Variants in MTCH2 observed in about 807,000 individuals in gnomAD.
MTCH2 encodes the protein mitochondrial carrier 2, also known as mitochondrial carrier homolog 2.
MTCH2 carries 25 observed loss-of-function variants against 50.6 expected under a neutral mutation model. The ratio of observed to expected loss-of-function variants is 0.49; its 90% confidence interval spans 0.36 to 0.69. The LOEUF (loss-of-function observed/expected upper bound fraction) is 0.69. Among genes scored for constraint, MTCH2 ranks in the 30% least tolerant of loss-of-function variants. The probability of loss-of-function intolerance (pLI) is 0.00; values close to 1 mark genes in which losing one functional copy is unlikely to be tolerated. For missense variants in MTCH2, 273 were observed against 384.4 expected (o/e 0.71, Z 2.42); for synonymous variants, 106 against 132.0 (o/e 0.80, Z 1.35).
downstream of MTCH2, among the ~76,000 whole-genome samples, chr11:47,613,013 G>A (rs2097286429): frequency 6.6e-6 from 1 of 151,860 alleles, no homozygotes; most frequent in African/African-American, 2.4e-5. Context: ...AGGTTTCTCT[G>A]GCCCCAGCCT....
Position 47,638,738 on chromosome 11 carries a change from C to T in MTCH2, c.240G>A (p.Ser80=), listed in dbSNP as rs192127710. ...LFTGLTPRLC[S]GVLGTVVHGK... ...CATGGACCACAGTTCCAAGGACTCC[C>T]GAACACAGTCTTGGAGTTAAGCCTG... Residue 80 remains serine (S), a synonymous_variant, in exon 3 of 13, where the codon TCG becomes TCA. Transcript: ENST00000302503. The T allele has an allele frequency of 6.8e-5, 109 of 1,609,804 alleles. No homozygotes were observed. The East Asian group carries it at 7.4e-4, about 11-fold the overall frequency.
intron 12 of MTCH2, 95 bp from the exon 13 acceptor site, chr11:47,619,014 T>G (rs780365837): frequency 3.7e-6 from 4 of 1,075,720 alleles, no homozygotes; most frequent in Non-Finnish European, 5.7e-6. Flanking sequence ...GAGACGTGAC[T>G]AAATCTAGGA....
chr11:47,622,693 AG>A lies in MTCH2; in HGVS notation c.825+7del. 1 of 1,361,274 alleles carries A rather than the reference AG, an allele frequency of 7.3e-7. No homozygotes were observed. Among genetic ancestry groups the A allele is most frequent in the Non-Finnish European group, 9.5e-7 (1 of 1,049,134 alleles). 84.3% of individuals were successfully genotyped at this position (1,361,274 alleles called of 1,614,324 possible). A position where few individuals can be genotyped will look rare whatever the true frequency, so the allele number is the denominator to read the frequency against. On this transcript the variant is annotated splice_region_variant and intron_variant, in intron 12 of 12. Coordinates refer to ENST00000302503, the MANE Select transcript of MTCH2 (RefSeq NM_014342.4). ...AATAAAATGAGAGAGACAGAGAAAA[AG>A]AAATACCTCTTTTTGTAGCATGCAC...
downstream of MTCH2, among the ~76,000 whole-genome samples, chr11:47,614,370 T>A (rs1393621560): frequency 6.6e-6 from 1 of 152,212 alleles, no homozygotes; most frequent in East Asian, 1.9e-4. Context: ...GGCTTGGCAG[T>A]CACTACTAAC....
intron 1 of MTCH2, among the ~76,000 whole-genome samples, chr11:47,640,359 A>C (rs982269791): frequency 3.3e-5 from 5 of 151,460 alleles, no homozygotes; most frequent in Admixed American, 2.0e-4. Flanking sequence ...TAAACAAATA[A>C]CTCCTGTCTG....
At chr11:47,621,335 GA>G (rs2097292989) in intron 12 of MTCH2, among the ~76,000 whole-genome samples, 1 of 152,046 alleles carries the variant, frequency 6.6e-6, no homozygotes, top group South Asian at 2.1e-4. Context: ...AATCTTTTAA[GA>G]AGTGGACCCC....
At chr11:47,628,929 C>G (rs1335098624) in intron 9 of MTCH2, 24 bp downstream of exon 9, 1 of 1,597,684 alleles carries the variant, frequency 6.3e-7, no homozygotes, top group South Asian at 1.1e-5. Context: ...AAGGTGAGCA[C>G]ATCTCACGAA....
chr11:47,634,615 G>A lies in MTCH2; in HGVS notation c.369+57C>T, dbSNP rs150353290. On this transcript the variant is annotated intron_variant, in intron 5 of 12. Coordinates refer to ENST00000302503, the MANE Select transcript of MTCH2 (RefSeq NM_014342.4). The stretch of plus-strand genomic sequence containing the variant: ...CAGGCCTGATGATTCTGATTCCATA[G>A]TTGCAACACCACAGTTTGATCTGGG... 169 of 1,331,796 alleles carry A rather than the reference G, an allele frequency of 1.3e-4. 3 individuals carry two copies. In the African/African-American group the frequency reaches 2.0e-3, roughly 15 times the overall value. The allele number at this position is 1,331,796 out of a possible 1,614,324, so 82.5% of individuals were successfully genotyped here.
At chr11:47,641,290 AG>A (rs1456624828) in intron 1 of MTCH2, among the ~76,000 whole-genome samples, 1 of 152,222 alleles carries the variant, frequency 6.6e-6, no homozygotes, top group African/African-American at 2.4e-5. Flanking sequence ...CATTCTAATC[AG>A]TCTTTGTTCT....
intron 5 of MTCH2, 93 bp downstream of exon 5, chr11:47,634,579 C>T: frequency 1.1e-6 from 1 of 938,602 alleles, no homozygotes; most frequent in Admixed American, 2.3e-5. Flanking sequence ...TGGGAACAGA[C>T]ACTGAACACA....
At chr11:47,633,338 C>T (rs1565972276) in intron 5 of MTCH2, among the ~76,000 whole-genome samples, 1 of 149,198 alleles carries the variant, frequency 6.7e-6, no homozygotes, top group African/African-American at 2.5e-5. Flanking sequence ...TCTCAATCTC[C>T]TGACTTCGTG....
downstream of MTCH2, among the ~76,000 whole-genome samples, chr11:47,614,525 G>A (rs1453153012): frequency 6.6e-6 from 1 of 152,022 alleles, no homozygotes; most frequent in Non-Finnish European, 1.5e-5. Context: ...GGAGTGCAAT[G>A]GCACCATTTT....
At chr11:47,620,163 T>C (rs2097291992) in intron 12 of MTCH2, among the ~76,000 whole-genome samples, 1 of 151,736 alleles carries the variant, frequency 6.6e-6, no homozygotes, top group African/African-American at 2.4e-5. Flanking sequence ...CATTAGGAGA[T>C]ATACCTAATG....
At position 47,618,006 on chromosome 11, in the gene MTCH2, G is replaced by C. The variant is rs550951024; in HGVS notation, c.*827C>G. ...GTAATTTAAGCACTGGCAAATACTT[G>C]GCTCTTAAAGAAGGGGGTTACTCCT... On this transcript the variant is annotated 3_prime_UTR_variant, in exon 13 of 13. Transcript: ENST00000302503. The C allele has an allele frequency of 3.9e-5, 6 of 152,256 alleles. No homozygotes were observed. The highest frequency in any genetic ancestry group is 1.4e-4 in the African/African-American group (6 of 41,554). The allele number at this position is 152,256 out of a possible 1,614,324, so 9.4% of individuals were successfully genotyped here. A position where few individuals can be genotyped will look rare whatever the true frequency, so the allele number is the denominator to read the frequency against.
chr11:47,636,457 C>A (rs2097308662), intron 3 of MTCH2, among the ~76,000 whole-genome samples: 1 of 150,832 alleles, frequency 6.6e-6, no homozygotes, highest in Non-Finnish European at 1.5e-5. Context: ...AGGGGCCGGG[C>A]ATGGTGCCTC....
chr11:47,610,006 A>G, the MTCH2 span, among the ~76,000 whole-genome samples: 1 of 152,184 alleles, frequency 6.6e-6, no homozygotes, highest in Admixed American at 6.5e-5. Flanking sequence ...ATAGGGGCAT[A>G]ATGCTGTGTT....
chr11:47,615,577 G>GT (rs1565958212), downstream of MTCH2, among the ~76,000 whole-genome samples: 1 of 151,716 alleles, frequency 6.6e-6, no homozygotes, highest in African/African-American at 2.4e-5. Context: ...GTATGCTGAG[G>GT]TAACAGAGAT....
intron 2 of MTCH2, 29 bp from the exon 3 acceptor site, chr11:47,638,834 A>G (rs765806426): frequency 1.3e-6 from 2 of 1,543,116 alleles, no homozygotes; most frequent in Non-Finnish European, 1.7e-6. Flanking sequence ...GATGTTGTCA[A>G]GTTCTGGTCA....
chr11:47,635,449 AGACT>A, intron 4 of MTCH2, 92 bp downstream of exon 4: 3 of 1,348,618 alleles, frequency 2.2e-6, no homozygotes, highest in Non-Finnish European at 3.2e-6. Flanking sequence ...GATGAATAGG[AGACT>A]GACTACTTGG....
Sources: gnomAD v4.1 joint callset for allele counts (sites outside exome capture counted in the v4.1 genomes callset) on GRCh38, gnomAD v4.1.1 for gene constraint, MANE v1.5 for transcripts, NCBI Gene and HGNC (gene_info 2026-07-23, HGNC 2026-07-21) for gene names.